Variants in MAN1A1 observed in about 807,000 individuals in gnomAD.
The protein encoded by MAN1A1 is mannosidase alpha class 1A member 1.
MAN1A1 carries 29 observed loss-of-function variants against 70.8 expected under a neutral mutation model. The ratio of observed to expected loss-of-function variants is 0.41; its 90% CI spans 0.31 to 0.56. The LOEUF (loss-of-function observed/expected upper bound fraction) is 0.56. MAN1A1 is among the 20% of genes least tolerant of loss of function. The pLI is 0.29. For missense variants in MAN1A1, 747 were observed against 841.3 expected (o/e 0.89, Z 1.39); for synonymous variants, 349 against 330.1 (o/e 1.06, Z -0.62).
At chr6:119,302,331 A>C (rs1772413515) in intron 3 of MAN1A1, among the ~76,000 whole-genome samples, 1 of 152,184 alleles carries the variant, frequency 6.6e-6, no homozygotes, top group Non-Finnish European at 1.5e-5. Flanking sequence ...GAGTTATAAA[A>C]ATAAATGTCT....
intron 5 of MAN1A1, among the ~76,000 whole-genome samples, chr6:119,268,019 TA>T (rs1374741502): frequency 6.6e-6 from 1 of 152,182 alleles, no homozygotes; most frequent in Non-Finnish European, 1.5e-5. Context: ...TTGGCAAGAC[TA>T]TAGGTGATAT....
intron 2 of MAN1A1, among the ~76,000 whole-genome samples, chr6:119,344,349 A>AT (rs1210340598): frequency 4.6e-5 from 7 of 152,158 alleles, no homozygotes; most frequent in Admixed American, 1.3e-4. Context: ...GTATATATGT[A>AT]TTTTTTTGCT....
intron 3 of MAN1A1, among the ~76,000 whole-genome samples, chr6:119,306,077 C>T (rs1772516541): frequency 6.6e-6 from 1 of 152,146 alleles, no homozygotes; most frequent in Non-Finnish European, 1.5e-5. Flanking sequence ...TAAATGTGTG[C>T]TGAAACTGTT....
chr6:119,342,570 G>A (rs1773625336), intron 2 of MAN1A1, among the ~76,000 whole-genome samples: 1 of 152,242 alleles, frequency 6.6e-6, no homozygotes, highest in African/African-American at 2.4e-5. Flanking sequence ...GAGAATGGTA[G>A]AGGCCAGATT....
chr6:119,259,371 C>A (rs1427326301), intron 5 of MAN1A1, among the ~76,000 whole-genome samples: 1 of 152,112 alleles, frequency 6.6e-6, no homozygotes, highest in Non-Finnish European at 1.5e-5. Context: ...TATGAAAGAG[C>A]AATTAATTAC....
At chr6:119,268,391 T>C (rs749753619) in intron 5 of MAN1A1, among the ~76,000 whole-genome samples, 3 of 152,042 alleles carry the variant, frequency 2.0e-5, no homozygotes, top group East Asian at 3.9e-4. Flanking sequence ...TATGCTTCTA[T>C]ACATACTCTT....
At chr6:119,285,283 C>A (rs1201471974) in intron 5 of MAN1A1, among the ~76,000 whole-genome samples, 1 of 151,868 alleles carries the variant, frequency 6.6e-6, no homozygotes, top group Non-Finnish European at 1.5e-5. Flanking sequence ...CGGCCAGATT[C>A]TTTTTAACAA....
In MAN1A1 at chr6:119,189,861, C is replaced by A. The variant is rs375049504; in HGVS notation, c.1349G>T (p.Arg450Leu). The A allele has an allele frequency of 1.2e-6, 2 of 1,613,856 alleles. No individual in the cohort carries two copies. Among genetic ancestry groups the A allele is most frequent in the Non-Finnish European group, 1.7e-6 (2 of 1,179,910 alleles). The change falls in exon 10 of 13, where the codon CGC becomes CTC. Residue 450 changes from arginine to leucine, a missense_variant. Physicochemically the swap from Arg to Leu is moderately radical, Grantham distance 102. Coordinates refer to ENST00000368468, the MANE Select transcript of MAN1A1 (RefSeq NM_005907.4). ...ATAAGTTAGTCCGCTGCTAGACTTG[C>A]GGATCAAATGAGTCTCGATAGCCTG... ...AVQAIETHLI[R>L]KSSSGLTYIA...
chr6:119,179,622 C>A lies in MAN1A1; in HGVS notation c.*197G>T, dbSNP rs1045313731. ...AACAAAAAACTGGTGGATACACTGG[C>A]TGAATTAATAAAGGATATGATAAGG... On this transcript the variant is annotated 3_prime_UTR_variant, in exon 13 of 13. Coordinates refer to ENST00000368468, the MANE Select transcript of MAN1A1 (RefSeq NM_005907.4). The A allele has an allele frequency of 3.8e-5, 14 of 372,088 alleles. No individual in the cohort carries two copies. In the South Asian group the frequency reaches 6.6e-4, roughly 17 times the overall value. The allele number at this position is 372,088 out of a possible 1,614,324, so 23.0% of individuals were successfully genotyped here.
chr6:119,232,425 A>C, intron 6 of MAN1A1, among the ~76,000 whole-genome samples: 1 of 151,936 alleles, frequency 6.6e-6, no homozygotes, highest in South Asian at 2.1e-4. Flanking sequence ...TGATCAATAT[A>C]CTACAAATAG....
Position 119,179,843 on chromosome 6 carries a change from C to T in MAN1A1, c.1938G>A (p.Lys646=). The change falls in exon 13 of 13, where the codon AAG becomes AAA. Residue 646 remains lysine (K), a synonymous_variant. Transcript: ENST00000368468. ...TTTATTCCTCTCTGATTTCAACTTCCTTTTTATCTTTAGGGAGGATAGGGA... is the reference window on the plus strand; with the variant it reads ...TTTATTCCTCTCTGATTTCAACTTCTTTTTTATCTTTAGGGAGGATAGGGA... ...HLLPILPKDK[K]EVEIREE is the part of the protein sequence containing the mutation. 2.5e-6 allele frequency: 4 copies of T among 1,612,732 alleles called. No individual in the cohort carries two copies. Among genetic ancestry groups the T allele is most frequent in the Non-Finnish European group, 3.4e-6 (4 of 1,178,906 alleles).
chr6:119,271,009 G>A (rs1775908514), intron 5 of MAN1A1, among the ~76,000 whole-genome samples: 1 of 151,974 alleles, frequency 6.6e-6, no homozygotes, highest in African/African-American at 2.4e-5. Context: ...CTCTTCCATA[G>A]AACACAATAT....
At chr6:119,199,302 G>A (rs1018845824) in intron 8 of MAN1A1, among the ~76,000 whole-genome samples, 2 of 152,118 alleles carry the variant, frequency 1.3e-5, no homozygotes, top group Admixed American at 6.5e-5. Context: ...CAAGAACATG[G>A]CTCCTGACTA....
chr6:119,214,216 G>A (rs1217767936), intron 6 of MAN1A1, among the ~76,000 whole-genome samples: 8 of 151,990 alleles, frequency 5.3e-5, no homozygotes, highest in Non-Finnish European at 1.0e-4. Flanking sequence ...TGCCCACCTC[G>A]GCCTCCCAAA....
At chr6:119,189,338 A>G (rs1328726871) in intron 10 of MAN1A1, among the ~76,000 whole-genome samples, 1 of 152,168 alleles carries the variant, frequency 6.6e-6, no homozygotes, top group Non-Finnish European at 1.5e-5. Flanking sequence ...GAGAAGATTA[A>G]TAATGGTTAA....
chr6:119,284,978 A>G (rs899804178), intron 5 of MAN1A1, among the ~76,000 whole-genome samples: 10 of 152,114 alleles, frequency 6.6e-5, no homozygotes, highest in Non-Finnish European at 1.2e-4. Context: ...ATTTTGGCTC[A>G]TGGTTCTGCA....
intron 5 of MAN1A1, among the ~76,000 whole-genome samples, chr6:119,273,899 C>T (rs9481896): frequency 0.041 from 6,273 of 152,188 alleles, 143 homozygotes; most frequent in African/African-American, 0.054. Flanking sequence ...TATCTGGACA[C>T]AGGGGAAAGT....
chr6:119,230,655 T>C (rs1353644897), intron 6 of MAN1A1, among the ~76,000 whole-genome samples: 1 of 152,226 alleles, frequency 6.6e-6, no homozygotes, highest in East Asian at 1.9e-4. Flanking sequence ...GACTATAAAC[T>C]CTGTGAGAGT....
chr6:119,340,090 C>CAAAAACAAAA (rs1773560706), intron 2 of MAN1A1, among the ~76,000 whole-genome samples: 1 of 152,186 alleles, frequency 6.6e-6, no homozygotes, highest in East Asian at 1.9e-4. Flanking sequence ...GACTCCATCT[C>CAAAAACAAAA]AAAAACAAAA....
Sources: gnomAD v4.1 joint callset for allele counts (sites outside exome capture counted in the v4.1 genomes callset) on GRCh38, gnomAD v4.1.1 for gene constraint, MANE v1.5 for transcripts, NCBI Gene and HGNC (gene_info 2026-07-23, HGNC 2026-07-21) for gene names.